Variants in FAM83G observed in about 807,000 individuals in gnomAD.
FAM83G encodes the protein protein FAM83G.
A neutral mutation model predicts 61.5 loss-of-function variants in FAM83G; 38 were observed. The observed-to-expected ratio is 0.62, with a 90% confidence interval of 0.48 to 0.81. The LOEUF (loss-of-function observed/expected upper bound fraction) is 0.81, where lower values mean the gene tolerates loss of function less well. FAM83G is among the 30% of genes least tolerant of loss of function. The pLI is 0.00. For missense variants in FAM83G, 989 were observed against 1,133.6 expected, an observed-to-expected ratio of 0.87 and a Z score of 1.83; for synonymous variants, 470 against 476.1, an observed-to-expected ratio of 0.99 and a Z score of 0.17.
chr17:18,977,059 C>T (rs769070332), intron 5 of FAM83G: 15 of 1,586,556 alleles, frequency 9.5e-6, no homozygotes, highest in African/African-American at 4.0e-5. Context: ...GTCCTGCAAA[C>T]GTCACCAGAA....
chr17:18,988,166 A>G, intron 3 of FAM83G, 81 bp downstream of exon 3: 1 of 1,550,000 alleles, frequency 6.5e-7, no homozygotes, highest in African/African-American at 1.3e-5. Context: ...CGTCCAGAGC[A>G]GGCAGGTACT....
chr17:18,973,671 A>C (rs1291717176), intron 5 of FAM83G, among the ~76,000 whole-genome samples: 1 of 152,064 alleles, frequency 6.6e-6, no homozygotes, highest in African/African-American at 2.4e-5. Context: ...GAAGGGAGGT[A>C]GCAGTTCTGT....
chr17:18,979,333 T>A (rs937270119), intron 4 of FAM83G: 2 of 625,002 alleles, frequency 3.2e-6, no homozygotes, highest in African/African-American at 3.7e-5. Flanking sequence ...TCCAGGCCGG[T>A]GACATCTCCA....
chr17:18,999,909 G>A (rs2043684548), intron 2 of FAM83G, among the ~76,000 whole-genome samples: 2 of 152,244 alleles, frequency 1.3e-5, no homozygotes, highest in African/African-American at 2.4e-5. Flanking sequence ...TGGGGCTGGT[G>A]AGGGATCCTG....
At chr17:18,991,694 C>T (rs2043429335) in intron 2 of FAM83G, among the ~76,000 whole-genome samples, 1 of 152,216 alleles carries the variant, frequency 6.6e-6, no homozygotes, top group Non-Finnish European at 1.5e-5. Flanking sequence ...GTGTGTCCTG[C>T]ACCCCAGGTA....
chr17:18,999,792 G>A (rs1278625376), intron 2 of FAM83G, among the ~76,000 whole-genome samples: 1 of 152,218 alleles, frequency 6.6e-6, no homozygotes, highest in Non-Finnish European at 1.5e-5. Context: ...GGCCTGGCAT[G>A]CAGAGATCAG....
chr17:18,970,799 T>C lies in FAM83G; in HGVS notation c.*560A>G. On this transcript the variant is annotated 3_prime_UTR_variant, in exon 6 of 6. Coordinates refer to ENST00000388995, the MANE Select transcript of FAM83G (RefSeq NM_001039999.3). ...GCAAAATGCTTACTTAATAGTATTA[T>C]TTTAAATACGAATAAAATAGTCATT... 1.7e-6 allele frequency: 1 copy of C among 582,636 alleles called. No homozygotes were observed. Among genetic ancestry groups the C allele is most frequent in the Non-Finnish European group, 3.1e-6 (1 of 326,996 alleles). The allele number at this position is 582,636 out of a possible 1,614,324, so 36.1% of individuals were successfully genotyped here.
Position 19,000,250 on chromosome 17 carries a change from TGA to T in FAM83G, c.522+3268_522+3269del, listed in dbSNP as rs1336340154. Among the ~76,000 whole-genome samples, 2 of 152,082 alleles carry T rather than the reference TGA, an allele frequency of 1.3e-5. No homozygotes were observed. Among genetic ancestry groups the T allele is most frequent in the Non-Finnish European group, 2.9e-5 (2 of 67,992 alleles). ...AGGGAGGCTGGAGGGCACAAGCTGC[TGA>T]GAGTGAGACCTGGGACCCACCCGCC... On this transcript the variant is annotated intron_variant, in intron 2 of 5. Coordinates refer to ENST00000388995, the MANE Select transcript of FAM83G (RefSeq NM_001039999.3). The surrounding 1 kb of genome is among the most constrained non-coding windows in gnomAD (Gnocchi z 5.2).
At chr17:18,982,181 C>CG (rs2043155417) in intron 3 of FAM83G, among the ~76,000 whole-genome samples, 2 of 152,232 alleles carry the variant, frequency 1.3e-5, no homozygotes, top group Admixed American at 1.3e-4. Flanking sequence ...AAGCAAGTCC[C>CG]GGGCCCTTGC....
At chr17:19,005,061 C>A (rs2043845710), upstream of FAM83G, among the ~76,000 whole-genome samples, 1 of 152,196 alleles carries the variant, frequency 6.6e-6, no homozygotes, top group African/African-American at 2.4e-5. Context: ...TGTTGGTGAT[C>A]CTGGATCAAC....
intron 4 of FAM83G, chr17:18,979,117 G>T: frequency 1.8e-6 from 1 of 555,436 alleles, no homozygotes; most frequent in Non-Finnish European, 3.2e-6. Flanking sequence ...AAGCAGCTCA[G>T]GAAGGCCCTG....
chr17:18,981,479 C>T (rs1241390316), intron 3 of FAM83G, among the ~76,000 whole-genome samples: 1 of 152,138 alleles, frequency 6.6e-6, no homozygotes, highest in Non-Finnish European at 1.5e-5. Flanking sequence ...ATCTCAGGAG[C>T]AGTGCTGGCA....
intron 4 of FAM83G, 143 bp downstream of exon 4, chr17:18,979,406 G>C (rs761269037): frequency 4.2e-5 from 40 of 959,682 alleles, no homozygotes; most frequent in Non-Finnish European, 5.0e-5. Flanking sequence ...ACAGACAGGC[G>C]GGCAGATGTG....
intron 3 of FAM83G, among the ~76,000 whole-genome samples, chr17:18,985,095 C>G: frequency 6.6e-6 from 1 of 152,212 alleles, no homozygotes; most frequent in East Asian, 1.9e-4. Context: ...CAGCCAGACC[C>G]TGGCGCAGAG....
chr17:18,997,406 A>G (rs1018828482), intron 2 of FAM83G, among the ~76,000 whole-genome samples: 5 of 152,252 alleles, frequency 3.3e-5, no homozygotes, highest in African/African-American at 1.2e-4. Context: ...GGAGCTTCAG[A>G]ATCCTCAGAG....
intron 2 of FAM83G, among the ~76,000 whole-genome samples, chr17:18,995,481 G>A (rs543403738): frequency 6.6e-6 from 1 of 152,174 alleles, no homozygotes; most frequent in Non-Finnish European, 1.5e-5. Flanking sequence ...AGCAAACTGT[G>A]GGTCAACTTC....
At chr17:19,004,862 T>TC (rs1473910997), upstream of FAM83G, 3 of 151,820 alleles carry the variant, frequency 2.0e-5, no homozygotes, top group Non-Finnish European at 2.9e-5. The surrounding 1 kb of genome is among the most constrained non-coding windows in gnomAD (Gnocchi z 5.4). Flanking sequence ...GGAAGCTGAT[T>TC]CACCCCTCGA....
chr17:19,002,002 T>C (rs565970398), intron 2 of FAM83G, among the ~76,000 whole-genome samples: 15 of 152,282 alleles, frequency 9.9e-5, no homozygotes, highest in African/African-American at 3.6e-4. Flanking sequence ...CTGGGTTCTC[T>C]AGCCTCCAGC....
chr17:18,985,214 C>T (rs1438064885), intron 3 of FAM83G, among the ~76,000 whole-genome samples: 1 of 152,208 alleles, frequency 6.6e-6, no homozygotes, highest in Non-Finnish European at 1.5e-5. Context: ...GAAGGCCCAC[C>T]GCACAAACGG....
Sources: gnomAD v4.1 joint callset for allele counts (sites outside exome capture counted in the v4.1 genomes callset) on GRCh38, gnomAD v4.1.1 for gene constraint, Gnocchi (gnomAD v3.1) non-coding constraint, MANE v1.5 for transcripts, NCBI Gene and HGNC (gene_info 2026-07-23, HGNC 2026-07-21) for gene names.